Variants in SLC2A11 observed in about 807,000 individuals in gnomAD.
SLC2A11 encodes solute carrier family 2, facilitated glucose transporter member 11.
In SLC2A11, 43 loss-of-function variants were observed where a neutral mutation model predicts 52.1. The observed-to-expected ratio is 0.82, with a 90% CI of 0.65 to 1.06. The LOEUF (loss-of-function observed/expected upper bound fraction) is 1.06. Among genes scored for constraint, SLC2A11 ranks in the 50% least tolerant of loss-of-function variants. The probability of loss-of-function intolerance (pLI) is 0.00; values close to 1 mark genes in which losing one functional copy is unlikely to be tolerated. For missense variants in SLC2A11, 582 were observed against 654.2 expected, an observed-to-expected ratio of 0.89 and a Z score of 1.20; for synonymous variants, 261 against 277.6, an observed-to-expected ratio of 0.94 and a Z score of 0.59.
chr22:23,875,053 C>A (rs780695259), intron 3 of SLC2A11, 64 bp from the exon 4 acceptor site: 23 of 1,449,498 alleles, frequency 1.6e-5, no homozygotes, highest in Non-Finnish European at 1.9e-5. Context: ...AAGAGTGGTC[C>A]CCAGGGATGG....
chr22:23,879,206 C>G (rs2032722165), intron 6 of SLC2A11, among the ~76,000 whole-genome samples: 1 of 152,042 alleles, frequency 6.6e-6, no homozygotes, highest in South Asian at 2.1e-4. Flanking sequence ...TGTGGCTGTT[C>G]ATAGGCATGA....
At chr22:23,857,754 C>T, upstream of SLC2A11, 1 of 1,353,154 alleles carries the variant, frequency 7.4e-7, no homozygotes, top group Non-Finnish European at 9.8e-7. Flanking sequence ...TCCCGGCCAT[C>T]GTTTAGCGTT....
chr22:23,868,741 A>C lies in SLC2A11; in HGVS notation c.290+100A>C. 3.5e-6 allele frequency: 5 copies of C among 1,431,834 alleles called. No homozygotes were observed. In the South Asian group the frequency reaches 6.5e-5, roughly 18 times the overall value. The allele number at this position is 1,431,834 out of a possible 1,614,324, so 88.7% of individuals were successfully genotyped here. A position where few individuals can be genotyped will look rare whatever the true frequency, so the allele number is the denominator to read the frequency against. ...AGAAGGAAGAGGCCCGGCAAGCTCC[A>C]GGCCCAGATCAGCTCCTCATCCAGC... On this transcript the variant is annotated intron_variant, in intron 3 of 11. Transcript: ENST00000316185.
chr22:23,860,048 C>T (rs2031994603), intron 1 of SLC2A11, among the ~76,000 whole-genome samples: 1 of 152,106 alleles, frequency 6.6e-6, no homozygotes, highest in African/African-American at 2.4e-5. Flanking sequence ...ATTGTTGTGC[C>T]TTTGGAGGAG....
At chr22:23,860,516 T>C (rs1020091788) in intron 1 of SLC2A11, among the ~76,000 whole-genome samples, 9 of 152,060 alleles carry the variant, frequency 5.9e-5, no homozygotes, top group African/African-American at 2.2e-4. Context: ...ACGTCTGTAA[T>C]CTCAGCAATT....
rs377421539 is a variant in SLC2A11, at chr22:23,868,686, C to G, written c.290+45C>G. The G allele has an allele frequency of 6.2e-6, 10 of 1,603,586 alleles. No individual in the cohort carries two copies. The African/African-American group carries it at 1.2e-4, about 19-fold the overall frequency. On this transcript the variant is annotated intron_variant, in intron 3 of 11. Coordinates refer to ENST00000316185, the MANE Select transcript of SLC2A11 (RefSeq NM_001024939.4). ...CCCCTGAATGCCCTTTAATGAGGAGCGCTGCAGCCTGCAGGCTGAGGAATG... is the reference window on the plus strand; with the variant it reads ...CCCCTGAATGCCCTTTAATGAGGAGGGCTGCAGCCTGCAGGCTGAGGAATG...
intron 3 of SLC2A11, 130 bp from the exon 4 acceptor site, chr22:23,874,987 A>T: frequency 9.4e-7 from 1 of 1,068,570 alleles, no homozygotes; most frequent in Non-Finnish European, 1.2e-6. Context: ...CAAAGTAGTT[A>T]ATGGCATACT....
chr22:23,884,846 C>G lies in SLC2A11; in HGVS notation c.1497C>G (p.Leu499=), dbSNP rs374864398. The G allele has an allele frequency of 2.9e-5, 47 of 1,614,064 alleles. No homozygotes were observed. The highest frequency in any genetic ancestry group is 1.8e-4 in the Admixed American group (11 of 60,022). ...TGGAGGTTATCCAGTCAACAGAACT[C>G]TAGTCCCAAAGGGGTGGCCAGAGCC... ...RSLEVIQSTE[L] is the part of the protein sequence containing the mutation. The change falls in exon 12 of 12, where the codon CTC becomes CTG. Residue 499 remains leucine, a synonymous_variant. Transcript: ENST00000316185. This position sits in a 1 kb window ranked among gnomAD's most constrained non-coding sequence, Gnocchi z 4.3.
upstream of SLC2A11, chr22:23,857,123 G>A (rs879061347): frequency 7.9e-7 from 1 of 1,258,738 alleles, no homozygotes; most frequent in Non-Finnish European, 1.1e-6. Context: ...ACAACCAAGG[G>A]CTTGGCCCTC....
chr22:23,864,397 C>T (rs12628741), intron 2 of SLC2A11, among the ~76,000 whole-genome samples: 42,858 of 152,008 alleles, frequency 0.28, 6,521 homozygotes, highest in Non-Finnish European at 0.33. Context: ...TCTTGGCTCA[C>T]TGCAACCTCC....
intron 1 of SLC2A11, 39 bp from the exon 2 acceptor site, chr22:23,862,065 C>T (rs751459541): frequency 1.6e-5 from 24 of 1,546,052 alleles, no homozygotes; most frequent in Non-Finnish European, 2.0e-5. Context: ...GGGGTGGAGG[C>T]TGTTGTTGGT....
rs1317610954 is a variant in SLC2A11 at position 23,884,537 on chromosome 22, G to T, written c.1299+108G>T. On this transcript the variant is annotated intron_variant, in intron 11 of 11. Transcript: ENST00000316185. The surrounding 1 kb of genome is among the most constrained non-coding windows in gnomAD (Gnocchi z 4.3). ...AGGGAGACTGAGACTGAAAGGGAGGGGTCTTAGGGGAGCAAAGAGGGGGGC... is the reference window on the plus strand; with the variant it reads ...AGGGAGACTGAGACTGAAAGGGAGGTGTCTTAGGGGAGCAAAGAGGGGGGC... 9 of 1,547,130 alleles carry T rather than the reference G, an allele frequency of 5.8e-6. No homozygotes were observed. The highest frequency in any genetic ancestry group is 1.7e-4 in the Middle Eastern group (1 of 5,746).
intron 2 of SLC2A11, among the ~76,000 whole-genome samples, chr22:23,864,056 A>G (rs1013383647): frequency 6.6e-6 from 1 of 152,092 alleles, no homozygotes; most frequent in Non-Finnish European, 1.5e-5. Context: ...GAAGAGCCTG[A>G]GGGGCTGGTT....
At chr22:23,863,643 G>A (rs2032158217) in intron 2 of SLC2A11, among the ~76,000 whole-genome samples, 1 of 124,418 alleles carries the variant, frequency 8.0e-6, no homozygotes, top group Admixed American at 9.2e-5. Flanking sequence ...TTGGGACAGA[G>A]TCTTGCTCTC....
intron 2 of SLC2A11, chr22:23,867,906 A>G (rs957647959): frequency 1.7e-5 from 6 of 352,224 alleles, no homozygotes; most frequent in African/African-American, 1.3e-4. Context: ...AAATGTAAGT[A>G]AAGGGCCTTC....
chr22:23,857,895 G>T lies in SLC2A11; in HGVS notation c.-105G>T, dbSNP rs572107405. On this transcript the variant is annotated 5_prime_UTR_variant, in exon 1 of 12. Transcript: ENST00000316185. ...AGCGCCTCTTTCACCACTGGGCGCT[G>T]CGCGCTGCCCTTCCCTCCGCGCACA... 2 of 1,565,046 alleles carry T rather than the reference G, an allele frequency of 1.3e-6. No individual in the cohort carries two copies. Among genetic ancestry groups the T allele is most frequent in the Non-Finnish European group, 1.7e-6 (2 of 1,156,590 alleles).
In SLC2A11 at chr22:23,857,966, G is replaced by A; in HGVS notation, c.-34G>A. On this transcript the variant is annotated 5_prime_UTR_variant, in exon 1 of 12. Coordinates refer to ENST00000316185, the MANE Select transcript of SLC2A11 (RefSeq NM_001024939.4). ...CTAATGGCAGCCGGGGTCTCCCTGG[G>A]ACAGCAAGACCTCCGCTCAGGCCCC... 6.3e-7 allele frequency: 1 copy of A among 1,591,420 alleles called. No homozygotes were observed. Among genetic ancestry groups the A allele is most frequent in the Non-Finnish European group, 8.5e-7 (1 of 1,170,682 alleles).
chr22:23,857,926 C>G lies in SLC2A11; in HGVS notation c.-74C>G. The G allele has an allele frequency of 6.3e-7, 1 of 1,589,052 alleles. No individual in the cohort carries two copies. The highest frequency in any genetic ancestry group is 8.6e-7 in the Non-Finnish European group (1 of 1,168,902). On this transcript the variant is annotated 5_prime_UTR_variant, in exon 1 of 12. Transcript: ENST00000316185. ...TGCCCTTCCCTCCGCGCACAGGCTGCCGGCTCACCGCTTGCTAATGGCAGC... is the reference window on the plus strand; with the variant it reads ...TGCCCTTCCCTCCGCGCACAGGCTGGCGGCTCACCGCTTGCTAATGGCAGC...
chr22:23,885,111 G>C lies in SLC2A11; in HGVS notation c.*262G>C, dbSNP rs2032960124. ...CTCATGACTGTAATCCCAGCACTTT[G>C]GGAGGCCAAGGTGGGAGGATCAATT... On this transcript the variant is annotated 3_prime_UTR_variant, in exon 12 of 12. Transcript: ENST00000316185. The C allele has an allele frequency of 1.9e-6, 1 of 529,340 alleles. No individual in the cohort carries two copies. Among genetic ancestry groups the C allele is most frequent in the Non-Finnish European group, 3.3e-6 (1 of 302,070 alleles). The allele number at this position is 529,340 out of a possible 1,614,324, so 32.8% of individuals were successfully genotyped here.
Sources: gnomAD v4.1 joint callset for allele counts (sites outside exome capture counted in the v4.1 genomes callset) on GRCh38, gnomAD v4.1.1 for gene constraint, Gnocchi (gnomAD v3.1) non-coding constraint, MANE v1.5 for transcripts, NCBI Gene and HGNC (gene_info 2026-07-23, HGNC 2026-07-21) for gene names.